The following MCPH1 variants were observed in gnomAD, a reference collection of about 807,000 sequenced individuals.
MCPH1 encodes the protein microcephalin.
Under a neutral mutation model 84.5 loss-of-function variants are expected in MCPH1, and 104 were observed. The ratio of observed to expected loss-of-function variants is 1.23; its 90% CI spans 1.05 to 1.45. The LOEUF (loss-of-function observed/expected upper bound fraction) is 1.45, where lower values mean the gene tolerates loss of function less well. Ranked by LOEUF, MCPH1 falls within the 40% of genes most tolerant of loss-of-function variation. The pLI, the probability that MCPH1 is intolerant of heterozygous loss-of-function variation, is 0.00. For synonymous variants in MCPH1, 514 were observed against 366.8 expected (o/e 1.40, Z -4.58); for missense variants, 1,498 against 1,005.7 (o/e 1.49, Z -6.62).
Position 6,499,917 on chromosome 8 carries a change from C to A in MCPH1, c.2202C>A (p.Phe734Leu), listed in dbSNP as rs200049022. 3.8e-4 allele frequency: 618 copies of A among 1,613,554 alleles called. 2 individuals carry two copies. Among genetic ancestry groups the A allele is most frequent in the Non-Finnish European group, 3.3e-4 (385 of 1,179,802 alleles). ...AGCCGTTCGAACTGTCTCACCACTT[C>A]CCTGCAGCTCCCGTAAGTCAGATGT... ...SEEPFELSHH[F>L]PAAPLCRSEC... The change falls in exon 12 of 14, where the codon TTC becomes TTA. Residue 734 changes from phenylalanine to leucine, a missense_variant. Transcript: ENST00000344683.
At chr8:6,484,369 G>T (rs1363932259) in intron 11 of MCPH1, among the ~76,000 whole-genome samples, 1 of 148,788 alleles carries the variant, frequency 6.7e-6, no homozygotes, top group Non-Finnish European at 1.5e-5. Flanking sequence ...CATTAGAATG[G>T]CTAAAAGAAA....
At chr8:6,406,790 G>T (rs1585530433) in intron 1 of MCPH1, 101 bp downstream of exon 1, 2 of 1,341,560 alleles carry the variant, frequency 1.5e-6, no homozygotes, top group African/African-American at 1.4e-5. Flanking sequence ...AGCCCCGCTC[G>T]CCCCTCCCTC....
chr8:6,610,015 C>G (rs977492887), intron 12 of MCPH1, among the ~76,000 whole-genome samples: 1 of 152,198 alleles, frequency 6.6e-6, no homozygotes, highest in African/African-American at 2.4e-5. Flanking sequence ...ATTATATAAA[C>G]GATACTCCCA....
chr8:6,422,184 C>T (rs1800303922), intron 3 of MCPH1, among the ~76,000 whole-genome samples: 1 of 152,182 alleles, frequency 6.6e-6, no homozygotes, highest in African/African-American at 2.4e-5. Context: ...AGCTACCTGT[C>T]TGTCTTATTT....
At chr8:6,592,767 A>C (rs1172671901) in intron 12 of MCPH1, among the ~76,000 whole-genome samples, 1 of 148,090 alleles carries the variant, frequency 6.8e-6, no homozygotes, top group Admixed American at 6.7e-5. Flanking sequence ...TGATCCTCCA[A>C]CCTCAGCCTC....
chr8:6,479,470 T>C (rs2129559610), intron 10 of MCPH1, among the ~76,000 whole-genome samples: 1 of 151,700 alleles, frequency 6.6e-6, no homozygotes, highest in East Asian at 1.9e-4. Flanking sequence ...AGTCTCCCTC[T>C]GTCACCCAGG....
chr8:6,576,528 A>G, intron 12 of MCPH1, among the ~76,000 whole-genome samples: 1 of 14,534 alleles, frequency 6.9e-5, no homozygotes, highest in Non-Finnish European at 1.9e-4. Flanking sequence ...CCGTCCCTTT[A>G]GATGTAGTCT....
At chr8:6,424,720 A>G (rs1444050829) in intron 3 of MCPH1, among the ~76,000 whole-genome samples, 1 of 152,228 alleles carries the variant, frequency 6.6e-6, no homozygotes, top group African/African-American at 2.4e-5. Flanking sequence ...GCTGGGCTCT[A>G]GGTTCCTCCA....
In MCPH1 at chr8:6,514,822, T is replaced by TC. The variant is rs544718454; in HGVS notation, c.2214+14899dup. ...GGTATAAGTGACAGAGCCCCCCCAC[T>TC]CCCCCCTTACGTAGCAGAAGCAGGA... On this transcript the variant is annotated intron_variant, in intron 12 of 13. Coordinates refer to ENST00000344683, the MANE Select transcript of MCPH1 (RefSeq NM_024596.5). 5.1e-4 allele frequency: 772 copies of TC among 1,514,844 alleles called. 1 individual carries two copies. The highest frequency in any genetic ancestry group is 7.1e-4 in the Admixed American group (42 of 58,950). 93.8% of individuals were successfully genotyped at this position (1,514,844 alleles called of 1,614,324 possible).
At chr8:6,537,560 AT>A in intron 12 of MCPH1, among the ~76,000 whole-genome samples, 1 of 146,226 alleles carries the variant, frequency 6.8e-6, no homozygotes, top group Non-Finnish European at 1.5e-5. Context: ...ATATATATAT[AT>A]GTTTACATTA....
intron 12 of MCPH1, chr8:6,619,144 C>CCTTGGG (rs1380017191): frequency 6.9e-6 from 1 of 145,124 alleles, no homozygotes; most frequent in Non-Finnish European, 1.5e-5. Context: ...TGGGACTTCT[C>CCTTGGG]CTTGGGCTTG....
At chr8:6,522,473 G>A (rs1037138912) in intron 12 of MCPH1, among the ~76,000 whole-genome samples, 16 of 152,008 alleles carry the variant, frequency 1.1e-4, no homozygotes, top group Non-Finnish European at 1.9e-4. Flanking sequence ...TGAGGAAATT[G>A]AAACTTAGGG....
At chr8:6,481,073 G>C (rs1385594209) in intron 11 of MCPH1, among the ~76,000 whole-genome samples, 197 bp downstream of exon 11, 1 of 152,148 alleles carries the variant, frequency 6.6e-6, no homozygotes, top group Non-Finnish European at 1.5e-5. Context: ...CCAAGTTCTG[G>C]GGCAACAGGA....
chr8:6,546,900 C>T (rs1822682856), intron 12 of MCPH1, among the ~76,000 whole-genome samples: 1 of 152,172 alleles, frequency 6.6e-6, no homozygotes, highest in African/African-American at 2.4e-5. Flanking sequence ...ATGTACCCTT[C>T]CGTGTTTTCC....
intron 12 of MCPH1, among the ~76,000 whole-genome samples, chr8:6,545,558 C>G (rs1822436168): frequency 6.6e-6 from 1 of 152,180 alleles, no homozygotes; most frequent in Non-Finnish European, 1.5e-5. Context: ...TTAAACCATT[C>G]CAGCCATCTG....
chr8:6,646,731 G>A lies in MCPH1; in HGVS notation c.*3682G>A, dbSNP rs1254205585. On this transcript the variant is annotated 3_prime_UTR_variant, in exon 14 of 14. Transcript: ENST00000344683. ...TGGCCTCTGCCTATTAGATGCCAGT[G>A]GCATCCCTCCCCTGACACACACCTA... 1.3e-5 allele frequency: 2 copies of A among 152,172 alleles called. No individual in the cohort carries two copies. The highest frequency in any genetic ancestry group is 2.9e-5 in the Non-Finnish European group (2 of 68,050). The allele number at this position is 152,172 out of a possible 1,614,324, so 9.4% of individuals were successfully genotyped here. A position where few individuals can be genotyped will look rare whatever the true frequency, so the allele number is the denominator to read the frequency against.
intron 12 of MCPH1, among the ~76,000 whole-genome samples, chr8:6,620,811 G>A (rs1831333172): frequency 6.6e-6 from 1 of 152,144 alleles, no homozygotes; most frequent in Admixed American, 6.5e-5. Flanking sequence ...ATGAGAAGCA[G>A]AGCAGCTTCA....
intron 12 of MCPH1, among the ~76,000 whole-genome samples, chr8:6,574,012 C>A (rs746806989): frequency 6.6e-6 from 1 of 152,190 alleles, no homozygotes; most frequent in African/African-American, 2.4e-5. Context: ...AACATTCTTA[C>A]AATTTCCCAA....
chr8:6,553,394 G>A (rs562008866), intron 12 of MCPH1, among the ~76,000 whole-genome samples: 2 of 152,306 alleles, frequency 1.3e-5, no homozygotes, highest in East Asian at 3.9e-4. Flanking sequence ...AGGGTCTTCT[G>A]ATGGTTACAT....
Sources: gnomAD v4.1 joint callset for allele counts (sites outside exome capture counted in the v4.1 genomes callset) on GRCh38, gnomAD v4.1.1 for gene constraint, MANE v1.5 for transcripts, NCBI Gene and HGNC (gene_info 2026-07-23, HGNC 2026-07-21) for gene names.